The following LCMT1 variants were observed in gnomAD, a reference collection of about 807,000 sequenced individuals.
LCMT1 encodes leucine carboxyl methyltransferase 1.
A neutral mutation model predicts 47.7 loss-of-function variants in LCMT1; 32 were observed. That is an observed-to-expected ratio of 0.67 (90% confidence interval 0.51 to 0.90). LCMT1 has a LOEUF of 0.90. Among genes scored for constraint, LCMT1 ranks in the 40% least tolerant of loss-of-function variants. The probability of loss-of-function intolerance (pLI) is 0.00; values close to 1 mark genes in which losing one functional copy is unlikely to be tolerated. For synonymous variants in LCMT1, 152 were observed against 149.7 expected, an observed-to-expected ratio of 1.02 and a Z score of -0.11; for missense variants, 375 against 415.2, an observed-to-expected ratio of 0.90 and a Z score of 0.84.
chr16:25,152,478 G>A (rs277884), intron 5 of LCMT1, among the ~76,000 whole-genome samples: 34,592 of 152,036 alleles, frequency 0.23, 4,068 homozygotes, highest in East Asian at 0.35. Context: ...TTACCATGAA[G>A]GAATTTTCAA....
intron 5 of LCMT1, among the ~76,000 whole-genome samples, chr16:25,155,672 C>CTT (rs1481311476): frequency 7.2e-6 from 1 of 138,870 alleles, no homozygotes; most frequent in African/African-American, 2.7e-5. Context: ...TTCTTTCTTT[C>CTT]TTTCTTTTTT....
At chr16:25,138,278 A>G (rs975931566) in intron 3 of LCMT1, among the ~76,000 whole-genome samples, 1 of 152,188 alleles carries the variant, frequency 6.6e-6, no homozygotes, top group African/African-American at 2.4e-5. Flanking sequence ...AGTGCAGTAC[A>G]CAGCAGCGTG....
chr16:25,174,136 T>A (rs1313740420), intron 9 of LCMT1, among the ~76,000 whole-genome samples: 1 of 152,162 alleles, frequency 6.6e-6, no homozygotes, highest in African/African-American at 2.4e-5. Context: ...GGTCTCGAAC[T>A]CCTGACCTCA....
In LCMT1 at chr16:25,113,946, A is replaced by G. The variant is rs76124208; in HGVS notation, c.113+1950A>G. ...CCACCCCACCCAGCCTAGTCTTTTC[A>G]TTTTTAAAACAGTGATAATAAAGGT... On this transcript the variant is annotated intron_variant, in intron 1 of 10. Transcript: ENST00000399069. 3.9e-3 allele frequency among the ~76,000 whole-genome samples: 592 copies of G among 152,330 alleles called. 21 individuals carry two copies. In the East Asian group the frequency reaches 0.091, roughly 23 times the overall value.
intron 5 of LCMT1, among the ~76,000 whole-genome samples, chr16:25,155,665 TTTCTTTCTTTC>T: frequency 7.1e-6 from 1 of 141,462 alleles, no homozygotes; most frequent in Non-Finnish European, 1.5e-5. Flanking sequence ...CTTTCTTTTC[TTTCTTTCTTTC>T]TTTTTTTTTT....
chr16:25,141,973 T>A (rs2141666703), intron 4 of LCMT1: 1 of 152,378 alleles, frequency 6.6e-6, no homozygotes. Flanking sequence ...TTTCACCACA[T>A]GTGTGATATT....
At chr16:25,144,881 C>A (rs2141671204) in intron 4 of LCMT1, 2 of 152,342 alleles carry the variant, frequency 1.3e-5, no homozygotes, top group South Asian at 4.1e-4. Context: ...TAGTCTCTCA[C>A]AAACATACAA....
intron 4 of LCMT1, among the ~76,000 whole-genome samples, chr16:25,149,389 C>T (rs879351501): frequency 8.5e-5 from 13 of 152,218 alleles, no homozygotes; most frequent in Non-Finnish European, 1.3e-4. Flanking sequence ...TGAGACACTC[C>T]ACCACCTTGG....
In LCMT1 at chr16:25,178,056, A is replaced by AAGCCAC. The variant is rs749241398; in HGVS notation, c.*34_*39dup. ...AAGGCTTATGCCGAGCCAGAAGCCG[A>AAGCCAC]AGCCACTTGCCCTCCTGGAGGAGAC... On this transcript the variant is annotated 3_prime_UTR_variant, in exon 11 of 11. Coordinates refer to ENST00000399069, the MANE Select transcript of LCMT1 (RefSeq NM_016309.3). The AAGCCAC allele has an allele frequency of 1.6e-5, 25 of 1,612,022 alleles. No homozygotes were observed. The highest frequency in any genetic ancestry group is 1.0e-4 in the Admixed American group (6 of 59,698).
chr16:25,134,345 T>C (rs1447968583), intron 3 of LCMT1, among the ~76,000 whole-genome samples: 1 of 152,196 alleles, frequency 6.6e-6, no homozygotes, highest in Admixed American at 6.5e-5. Context: ...ACTAACATCA[T>C]GAAGTGTTTT....
At chr16:25,130,297 G>A (rs904668630) in intron 2 of LCMT1, among the ~76,000 whole-genome samples, 15 of 143,056 alleles carry the variant, frequency 1.0e-4, no homozygotes, top group African/African-American at 1.6e-4. Context: ...CCGAGATCAC[G>A]CCACTGCACT....
rs185139773 is a variant in LCMT1, at chr16:25,131,135, G to A, written c.206-1267G>A. Among the ~76,000 whole-genome samples the A allele has an allele frequency of 2.0e-5, 3 of 152,364 alleles. No individual in the cohort carries two copies. In the East Asian group the frequency reaches 5.8e-4, roughly 29 times the overall value. ...TTGACCAAATGACTATAATTCTTGTGTGTGCAGGGAATCTTGGCTCTCAAG... is the reference window on the plus strand; with the variant it reads ...TTGACCAAATGACTATAATTCTTGTATGTGCAGGGAATCTTGGCTCTCAAG... On this transcript the variant is annotated intron_variant, in intron 2 of 10. Transcript: ENST00000399069.
At chr16:25,128,424 T>G (rs1438656515) in intron 1 of LCMT1, 51 bp from the exon 2 acceptor site, 2 of 1,389,016 alleles carry the variant, frequency 1.4e-6, no homozygotes, top group Middle Eastern at 1.8e-4. Flanking sequence ...TGGACCTTGG[T>G]CTGAACCTAC....
chr16:25,177,741 A>C (rs1312987244), intron 10 of LCMT1, among the ~76,000 whole-genome samples: 1 of 152,230 alleles, frequency 6.6e-6, no homozygotes. Flanking sequence ...CAGCACATAA[A>C]GGGTAGATTT....
At chr16:25,151,455 T>A (rs1567321181) in intron 4 of LCMT1, 99 bp from the exon 5 acceptor site, 2 of 985,954 alleles carry the variant, frequency 2.0e-6, no homozygotes, top group Non-Finnish European at 3.1e-6. Flanking sequence ...ATATTTGCCA[T>A]TTTGGTAGTG....
chr16:25,148,310 C>G (rs1350430934), intron 4 of LCMT1: 1 of 152,254 alleles, frequency 6.6e-6, no homozygotes, highest in East Asian at 1.9e-4. Context: ...AAAAACAGAT[C>G]AGGGCATGAG....
chr16:25,158,467 A>G (rs1428387828), intron 5 of LCMT1, among the ~76,000 whole-genome samples: 1 of 152,096 alleles, frequency 6.6e-6, no homozygotes, highest in Non-Finnish European at 1.5e-5. Flanking sequence ...TGTAAGTATC[A>G]CACAAAATGA....
At chr16:25,170,868 G>C (rs911672337) in intron 9 of LCMT1, 63 bp downstream of exon 9, 5 of 1,022,492 alleles carry the variant, frequency 4.9e-6, no homozygotes, top group African/African-American at 3.2e-5. Flanking sequence ...ATGATTGCCT[G>C]TATTCTTTCA....
At chr16:25,154,647 C>T (rs1342900383) in intron 5 of LCMT1, among the ~76,000 whole-genome samples, 6 of 151,642 alleles carry the variant, frequency 4.0e-5, no homozygotes, top group Non-Finnish European at 4.4e-5. Flanking sequence ...CCACCACGCC[C>T]GGCTAATTTT....
Sources: gnomAD v4.1 joint callset for allele counts (sites outside exome capture counted in the v4.1 genomes callset) on GRCh38, gnomAD v4.1.1 for gene constraint, MANE v1.5 for transcripts, NCBI Gene and HGNC (gene_info 2026-07-23, HGNC 2026-07-21) for gene names.